The following PDK1 variants were observed in gnomAD, a reference collection of about 807,000 sequenced individuals.
PDK1 encodes the protein pyruvate dehydrogenase kinase 1.
Under a neutral mutation model 54.2 loss-of-function variants are expected in PDK1, and 39 were observed. The ratio of observed to expected loss-of-function variants is 0.72; its 90% confidence interval spans 0.56 to 0.94. The LOEUF (loss-of-function observed/expected upper bound fraction) is 0.94. Among genes scored for constraint, PDK1 ranks in the 40% least tolerant of loss-of-function variants. PDK1 has a pLI of 0.00. For missense variants in PDK1, 552 were observed against 566.0 expected, an observed-to-expected ratio of 0.98 and a Z score of 0.25; for synonymous variants, 221 against 207.1, an observed-to-expected ratio of 1.07 and a Z score of -0.58.
the PDK1 span, among the ~76,000 whole-genome samples, chr2:172,695,290 A>G: frequency 6.6e-6 from 1 of 152,106 alleles, no homozygotes; most frequent in African/African-American, 2.4e-5. Context: ...GCTCTATCAC[A>G]CTGTAAGGGA....
the PDK1 span, among the ~76,000 whole-genome samples, chr2:172,642,542 G>T: frequency 6.6e-6 from 1 of 151,996 alleles, no homozygotes; most frequent in Non-Finnish European, 1.5e-5. Context: ...CAAACTCAGC[G>T]TGGGACCCAA....
the PDK1 span, among the ~76,000 whole-genome samples, chr2:172,636,722 A>C: frequency 8.2e-5 from 1 of 12,170 alleles, no homozygotes; most frequent in South Asian, 1.5e-3. Flanking sequence ...CTCCATCTCA[A>C]AAAAAAAAAA....
At chr2:172,699,657 A>C in the PDK1 span, among the ~76,000 whole-genome samples, 1 of 152,120 alleles carries the variant, frequency 6.6e-6, no homozygotes, top group Non-Finnish European at 1.5e-5. Context: ...TTGGCACAGA[A>C]TAGATGCTCC....
At chr2:172,641,966 G>A in the PDK1 span, among the ~76,000 whole-genome samples, 15 of 152,146 alleles carry the variant, frequency 9.9e-5, no homozygotes, top group Non-Finnish European at 1.9e-4. Context: ...GAGGCTGCTG[G>A]CGAGCCTTTC....
intron 8 of PDK1, among the ~76,000 whole-genome samples, chr2:172,571,311 A>T (rs987911977): frequency 2.6e-5 from 4 of 152,210 alleles, no homozygotes; most frequent in African/African-American, 7.2e-5. Flanking sequence ...CATGATATCC[A>T]GTCTTCTGTC....
At chr2:172,642,810 T>TCC in the PDK1 span, among the ~76,000 whole-genome samples, 76 of 146,254 alleles carry the variant, frequency 5.2e-4, no homozygotes, top group Middle Eastern at 3.4e-3. Context: ...CTCCTCCTCC[T>TCC]TCTTCTTCTC....
chr2:172,688,669 T>C, the PDK1 span, among the ~76,000 whole-genome samples: 17 of 152,276 alleles, frequency 1.1e-4, no homozygotes, highest in African/African-American at 4.1e-4. Context: ...GCAGGTCTAA[T>C]ATCTGGGAAA....
At chr2:172,710,363 A>G in the PDK1 span, among the ~76,000 whole-genome samples, 1 of 152,232 alleles carries the variant, frequency 6.6e-6, no homozygotes, top group Non-Finnish European at 1.5e-5. Flanking sequence ...TACTCTTAAT[A>G]TATTTTTCAC....
In PDK1 at chr2:172,564,581, C is replaced by G. The variant is rs1284134593; in HGVS notation, c.489C>G (p.Tyr163Ter). The G allele has an allele frequency of 1.2e-6, 2 of 1,613,844 alleles. No individual in the cohort carries two copies. The highest frequency in any genetic ancestry group is 2.7e-5 in the African/African-American group (2 of 74,910). Residue 163 changes from tyrosine to a stop codon, truncating the protein, a stop_gained, in exon 4 of 11, where the codon TAC becomes TAG. Coordinates refer to ENST00000282077, the MANE Select transcript of PDK1 (RefSeq NM_002610.5). LOFTEE classifies it high-confidence loss of function. ...IPTMAQGVIEYKESFGVDPVT... is the reference protein window; with the variant it reads ...IPTMAQGVIE ...CAATGGCCCAGGGTGTGATTGAATA[C>G]AAGGAGAGCTTTGGGGTGGATCCTG...
In PDK1 at chr2:172,556,197, GC is replaced by G; in HGVS notation, c.50del (p.Pro17ArgfsTer43). 1 of 1,416,460 alleles carries G rather than the reference GC, an allele frequency of 7.1e-7. No individual in the cohort carries two copies. Among genetic ancestry groups the G allele is most frequent in the South Asian group, 1.5e-5 (1 of 67,550 alleles). The allele number at this position is 1,416,460 out of a possible 1,614,324, so 87.7% of individuals were successfully genotyped here. A position where few individuals can be genotyped will look rare whatever the true frequency, so the allele number is the denominator to read the frequency against. On this transcript the variant is annotated frameshift_variant, in exon 1 of 11. Transcript: ENST00000282077. LOFTEE classifies it high-confidence loss of function. ...CGCGGAGCCGCCTTGGCCGGCCCGGGCCCGGGGCTGCGCGCCGCCGGCTTCA... is the reference window on the plus strand; with the variant it reads ...CGCGGAGCCGCCTTGGCCGGCCCGGGCCGGGGCTGCGCGCCGCCGGCTTCA... ...LLRGAALAGP[G>X]PGLRAAGFSR...
the PDK1 span, among the ~76,000 whole-genome samples, chr2:172,620,625 C>T: frequency 6.6e-6 from 1 of 152,118 alleles, no homozygotes; most frequent in Non-Finnish European, 1.5e-5. Context: ...TGGGAGGTGA[C>T]TGGATCATGG....
intron 1 of PDK1, among the ~76,000 whole-genome samples, chr2:172,557,646 T>TGTGTGTG (rs1558921740): frequency 7.0e-6 from 1 of 142,206 alleles, no homozygotes; most frequent in African/African-American, 2.6e-5. Context: ...TGTGTGTGTG[T>TGTGTGTG]ATTTTTTTTT....
At chr2:172,652,600 T>C in the PDK1 span, among the ~76,000 whole-genome samples, 9,979 of 152,268 alleles carry the variant, frequency 0.066, 1,011 homozygotes, top group East Asian at 0.53. Flanking sequence ...CTCCTTAAGC[T>C]GATAAGCAAC....
At chr2:172,704,354 G>A in the PDK1 span, among the ~76,000 whole-genome samples, 21 of 152,138 alleles carry the variant, frequency 1.4e-4, no homozygotes, top group African/African-American at 4.6e-4. Context: ...TTCAGTCGGG[G>A]TTTTGTGACA....
At chr2:172,616,454 A>G in the PDK1 span, among the ~76,000 whole-genome samples, 1 of 152,218 alleles carries the variant, frequency 6.6e-6, no homozygotes, top group East Asian at 1.9e-4. Flanking sequence ...CTGATACTGT[A>G]TGATATTGCC....
chr2:172,567,964 T>G (rs1689044882), intron 6 of PDK1, among the ~76,000 whole-genome samples: 1 of 152,252 alleles, frequency 6.6e-6, no homozygotes, highest in South Asian at 2.1e-4. Context: ...TCATATTTTT[T>G]ATTCAGCTTT....
chr2:172,579,927 AT>A (rs1236756089), intron 8 of PDK1, among the ~76,000 whole-genome samples: 4 of 151,810 alleles, frequency 2.6e-5, no homozygotes, highest in Non-Finnish European at 4.4e-5. Flanking sequence ...TTTTTATTCT[AT>A]TCTGTGAGAT....
At chr2:172,672,987 A>G in the PDK1 span, among the ~76,000 whole-genome samples, 44,293 of 152,084 alleles carry the variant, frequency 0.29, 8,040 homozygotes, top group East Asian at 0.56. Flanking sequence ...GAAATAATTC[A>G]ACTGAGGGGC....
chr2:172,634,397 T>C, the PDK1 span, among the ~76,000 whole-genome samples: 422 of 150,744 alleles, frequency 2.8e-3, 1 homozygote, highest in African/African-American at 9.7e-3. Context: ...CTCAGCCTCC[T>C]GAGCAGCTGG....
Sources: allele counts gnomAD v4.1 joint callset (sites outside exome capture counted in the v4.1 genomes callset), GRCh38; gene constraint gnomAD v4.1.1; transcripts MANE v1.5; gene names NCBI Gene and HGNC (gene_info 2026-07-23, HGNC 2026-07-21).